The following KPNA1 variants were observed in gnomAD, a reference collection of about 807,000 sequenced individuals.
The protein encoded by KPNA1 is karyopherin subunit alpha 1.
A neutral mutation model predicts 70.5 loss-of-function variants in KPNA1; 10 were observed. That is an observed-to-expected ratio of 0.14 (90% CI 0.09 to 0.24). The LOEUF (loss-of-function observed/expected upper bound fraction) is 0.24, where lower values mean the gene tolerates loss of function less well. KPNA1 is among the 10% of genes least tolerant of loss of function. The pLI is 1.00. For synonymous variants in KPNA1, 192 were observed against 221.9 expected, an observed-to-expected ratio of 0.87 and a Z score of 1.20; for missense variants, 397 against 637.9, an observed-to-expected ratio of 0.62 and a Z score of 4.07.
At chr3:122,455,744 C>T (rs563016553) in intron 5 of KPNA1, among the ~76,000 whole-genome samples, 54 of 152,072 alleles carry the variant, frequency 3.6e-4, no homozygotes, top group Admixed American at 6.6e-4. Context: ...TTAGTAGAGA[C>T]GAGGTTTCAT....
intron 2 of KPNA1, among the ~76,000 whole-genome samples, chr3:122,479,266 G>A (rs1576326244): frequency 6.6e-6 from 1 of 152,116 alleles, no homozygotes; most frequent in South Asian, 2.1e-4. Flanking sequence ...ATATGAAGAG[G>A]TAACCCATAT....
At chr3:122,482,717 C>A (rs1285036876) in intron 2 of KPNA1, among the ~76,000 whole-genome samples, 1 of 152,056 alleles carries the variant, frequency 6.6e-6, no homozygotes, top group African/African-American at 2.4e-5. Context: ...CAACTGAAAT[C>A]TAAAAAATAA....
chr3:122,491,070 A>T (rs984833889), intron 2 of KPNA1, among the ~76,000 whole-genome samples: 3 of 152,266 alleles, frequency 2.0e-5, no homozygotes, highest in African/African-American at 7.2e-5. Context: ...GTATACTAAA[A>T]TAATTCTTCT....
intron 6 of KPNA1, among the ~76,000 whole-genome samples, chr3:122,452,358 A>T (rs912665988): frequency 4.6e-5 from 7 of 151,528 alleles, no homozygotes; most frequent in African/African-American, 1.5e-4. Context: ...AAAAATACAA[A>T]ATTAGCCGGG....
intron 10 of KPNA1, among the ~76,000 whole-genome samples, chr3:122,441,602 CTTTT>C (rs374275451): frequency 6.8e-6 from 1 of 147,450 alleles, no homozygotes; most frequent in Non-Finnish European, 1.5e-5. Context: ...CCTAAACCAA[CTTTT>C]TTTTTTTTCT....
chr3:122,438,842 G>A (rs1478894916), intron 10 of KPNA1, among the ~76,000 whole-genome samples: 2 of 152,220 alleles, frequency 1.3e-5, no homozygotes, highest in South Asian at 2.1e-4. Context: ...CTGTATGTAT[G>A]AGCATAAAAA....
intron 1 of KPNA1, among the ~76,000 whole-genome samples, chr3:122,513,941 T>A (rs959435371): frequency 2.6e-5 from 4 of 152,190 alleles, no homozygotes; most frequent in African/African-American, 4.8e-5. Context: ...TGTTCTGAGT[T>A]GAAACCTTAA....
Position 122,426,724 on chromosome 3 carries a change from G to A in KPNA1, c.*261C>T, listed in dbSNP as rs191415413. ...ATTCCCATAACTCTAATGTAAGTGCGGATCTCCAAAGCCTAGGGATTTTTC... is the reference window on the plus strand; with the variant it reads ...ATTCCCATAACTCTAATGTAAGTGCAGATCTCCAAAGCCTAGGGATTTTTC... On this transcript the variant is annotated 3_prime_UTR_variant, in exon 14 of 14. Transcript: ENST00000344337. 9 of 365,232 alleles carry A rather than the reference G, an allele frequency of 2.5e-5. No homozygotes were observed. The highest frequency in any genetic ancestry group is 7.9e-5 in the South Asian group (1 of 12,646). The allele number at this position is 365,232 out of a possible 1,614,324, so 22.6% of individuals were successfully genotyped here.
intron 3 of KPNA1, among the ~76,000 whole-genome samples, chr3:122,466,017 A>G (rs1056997536): frequency 6.6e-6 from 1 of 152,170 alleles, no homozygotes; most frequent in Non-Finnish European, 1.5e-5. Flanking sequence ...AAAACACTTT[A>G]TATTCACTTA....
At chr3:122,502,035 C>A (rs1426900832) in intron 1 of KPNA1, among the ~76,000 whole-genome samples, 6 of 152,176 alleles carry the variant, frequency 3.9e-5, no homozygotes, top group Admixed American at 3.9e-4. Context: ...TTGATGCAAA[C>A]CTGGGTTGAG....
At chr3:122,513,540 T>C (rs553812134) in intron 1 of KPNA1, among the ~76,000 whole-genome samples, 1 of 152,310 alleles carries the variant, frequency 6.6e-6, no homozygotes, top group South Asian at 2.1e-4. Context: ...AGAATGAGCC[T>C]TGCTGGTGGC....
At chr3:122,495,262 C>CAAAAAACAAAAAAAAAAAAAAAAA (rs2076745175) in intron 2 of KPNA1, among the ~76,000 whole-genome samples, 1 of 86,494 alleles carries the variant, frequency 1.2e-5, no homozygotes, top group Non-Finnish European at 2.4e-5. Context: ...TCAAACAAAC[C>CAAAAAACAAAAAAAAAAAAAAAAA]AAAAAAAAAA....
chr3:122,428,508 A>T (rs1346608467), intron 12 of KPNA1, among the ~76,000 whole-genome samples: 6 of 152,222 alleles, frequency 3.9e-5, no homozygotes, highest in Non-Finnish European at 8.8e-5. Context: ...ACAAGAAAAA[A>T]GGAGAAAAGA....
chr3:122,454,009 G>A lies in KPNA1; in HGVS notation c.433-8C>T, dbSNP rs768886997. The A allele has an allele frequency of 1.9e-6, 3 of 1,555,000 alleles. No individual in the cohort carries two copies. Among genetic ancestry groups the A allele is most frequent in the South Asian group, 2.4e-5 (2 of 84,138 alleles). On this transcript the variant is annotated splice_region_variant and splice_polypyrimidine_tract_variant and intron_variant, in intron 5 of 13. Transcript: ENST00000344337. ...TACCCAAGCTGATTCAAACTATAAA[G>A]ATAAAAATAATTTTCATTATCTTTT...
At position 122,423,807 on chromosome 3, in the gene KPNA1, T is replaced by C. The variant is rs1209843224; in HGVS notation, c.*3178A>G. The C allele has an allele frequency of 6.6e-6, 1 of 152,662 alleles. No individual in the cohort carries two copies. Among genetic ancestry groups the C allele is most frequent in the Non-Finnish European group, 1.5e-5 (1 of 68,032 alleles). 9.5% of individuals were successfully genotyped at this position (152,662 alleles called of 1,614,324 possible). Reference sequence around the variant, plus strand: ...TTATGAGATTAATTGCCAATCTTTTTATCTGTGACGATAATGCCAAAAATG... The same window carrying C: ...TTATGAGATTAATTGCCAATCTTTTCATCTGTGACGATAATGCCAAAAATG... On this transcript the variant is annotated 3_prime_UTR_variant, in exon 14 of 14. Coordinates refer to ENST00000344337, the MANE Select transcript of KPNA1 (RefSeq NM_002264.4).
At chr3:122,464,531 T>C (rs1226882129) in intron 3 of KPNA1, among the ~76,000 whole-genome samples, 1 of 152,214 alleles carries the variant, frequency 6.6e-6, no homozygotes, top group South Asian at 2.1e-4. Flanking sequence ...TCTTACTCTA[T>C]CACTAAGGGC....
At chr3:122,434,916 T>TATTA (rs2075964799) in intron 11 of KPNA1, among the ~76,000 whole-genome samples, 1 of 152,214 alleles carries the variant, frequency 6.6e-6, no homozygotes, top group Non-Finnish European at 1.5e-5. Context: ...TTGTTATAGC[T>TATTA]ATTAATCTCA....
intron 1 of KPNA1, among the ~76,000 whole-genome samples, chr3:122,512,579 C>G (rs1300083742): frequency 2.6e-5 from 4 of 152,084 alleles, no homozygotes; most frequent in Non-Finnish European, 5.9e-5. Flanking sequence ...AAAAAATTAG[C>G]CGAGTGTGGC....
intron 10 of KPNA1, among the ~76,000 whole-genome samples, chr3:122,439,014 A>G (rs1336546298): frequency 6.6e-6 from 1 of 152,210 alleles, no homozygotes; most frequent in Non-Finnish European, 1.5e-5. Flanking sequence ...TTTAATAGAA[A>G]ATTATCTCCT....
Sources: allele counts gnomAD v4.1 joint callset (sites outside exome capture counted in the v4.1 genomes callset), GRCh38; gene constraint gnomAD v4.1.1; transcripts MANE v1.5; gene names NCBI Gene and HGNC (gene_info 2026-07-23, HGNC 2026-07-21).